The following STRN variants were observed in gnomAD, a reference collection of about 807,000 sequenced individuals.
STRN encodes the protein striatin.
A neutral mutation model predicts 96.3 loss-of-function variants in STRN; 53 were observed. The ratio of observed to expected loss-of-function variants is 0.55; its 90% CI spans 0.44 to 0.69. The LOEUF (loss-of-function observed/expected upper bound fraction) is 0.69. Ranked by LOEUF, STRN falls within the 30% of genes least tolerant of loss-of-function variation. STRN has a pLI of 0.00. For synonymous variants in STRN, 428 were observed against 355.9 expected, an observed-to-expected ratio of 1.20 and a Z score of -2.28; for missense variants, 987 against 963.9, an observed-to-expected ratio of 1.02 and a Z score of -0.32.
chr2:36,880,170 G>T (rs111290521), intron 9 of STRN, among the ~76,000 whole-genome samples: 1 of 152,124 alleles, frequency 6.6e-6, no homozygotes, highest in Non-Finnish European at 1.5e-5. Context: ...GTTTTGCCAC[G>T]TTGGCCAGGC....
At chr2:36,935,825 A>G (rs1471367671) in intron 1 of STRN, among the ~76,000 whole-genome samples, 1 of 152,240 alleles carries the variant, frequency 6.6e-6, no homozygotes, top group South Asian at 2.1e-4. Context: ...CATACGAAGT[A>G]GAAGTATAAA....
At position 36,846,084 on chromosome 2, in the gene STRN, T is replaced by C. The variant is rs1187009465; in HGVS notation, c.*3372A>G. 5 of 150,492 alleles carry C rather than the reference T, an allele frequency of 3.3e-5. No individual in the cohort carries two copies. The highest frequency in any genetic ancestry group is 9.8e-5 in the African/African-American group (4 of 40,898). 9.3% of individuals were successfully genotyped at this position (150,492 alleles called of 1,614,324 possible). ...CTAGCTATTGCCTTCTTGATGATAT[T>C]TGTTTTTGTTAAAAAGTCTGAATGT... On this transcript the variant is annotated 3_prime_UTR_variant, in exon 18 of 18. Coordinates refer to ENST00000263918, the MANE Select transcript of STRN (RefSeq NM_003162.4).
chr2:36,954,337 C>T (rs1397622824), intron 1 of STRN, among the ~76,000 whole-genome samples: 1 of 151,624 alleles, frequency 6.6e-6, no homozygotes, highest in African/African-American at 2.4e-5. Context: ...ATGGCAAAAC[C>T]CTGTCTCTAC....
rs957305557 is a variant in STRN, at chr2:36,926,173, T to C, written c.235-965A>G. Among the ~76,000 whole-genome samples the C allele has an allele frequency of 2.6e-5, 4 of 152,052 alleles. 1 individual carries two copies. The South Asian group carries it at 6.2e-4, about 24-fold the overall frequency. ...CCCTACATTTGAACATGAAACGAAC[T>C]GTAAACAACTTTTAAAGTCAGTAAA... On this transcript the variant is annotated intron_variant, in intron 1 of 17. Transcript: ENST00000263918.
intron 4 of STRN, among the ~76,000 whole-genome samples, chr2:36,904,305 C>G (rs1168558397): frequency 6.6e-6 from 1 of 152,144 alleles, no homozygotes; most frequent in Admixed American, 6.5e-5. Flanking sequence ...AAAGTAATAG[C>G]TGCTATACAT....
At chr2:36,930,395 G>A (rs1045793196) in intron 1 of STRN, among the ~76,000 whole-genome samples, 12 of 150,450 alleles carry the variant, frequency 8.0e-5, no homozygotes, top group Admixed American at 2.0e-4. Flanking sequence ...TCATGCCACT[G>A]CACTCCAGAA....
intron 4 of STRN, among the ~76,000 whole-genome samples, chr2:36,903,129 G>C (rs964081860): frequency 2.0e-5 from 3 of 152,150 alleles, no homozygotes; most frequent in African/African-American, 7.2e-5. Context: ...TGGATCAACT[G>C]TTTGTGATCT....
intron 6 of STRN, among the ~76,000 whole-genome samples, chr2:36,897,641 G>A (rs955824641): frequency 3.3e-5 from 5 of 151,660 alleles, no homozygotes; most frequent in Non-Finnish European, 7.4e-5. Context: ...GTTTCACCGC[G>A]TTAGCCAGGA....
At chr2:36,862,438 C>G (rs1041959940) in intron 12 of STRN, among the ~76,000 whole-genome samples, 1 of 152,178 alleles carries the variant, frequency 6.6e-6, no homozygotes. Context: ...TTAATAACAG[C>G]CATTCTGCCT....
At chr2:36,928,345 A>G (rs1020618679) in intron 1 of STRN, among the ~76,000 whole-genome samples, 6 of 152,168 alleles carry the variant, frequency 3.9e-5, no homozygotes, top group African/African-American at 7.2e-5. Context: ...GAAGGAAAAA[A>G]GGTAAAAAGA....
intron 3 of STRN, among the ~76,000 whole-genome samples, chr2:36,910,367 A>C (rs775128027): frequency 9.9e-5 from 15 of 152,194 alleles, no homozygotes; most frequent in Non-Finnish European, 1.8e-4. Flanking sequence ...TATCTTTAAA[A>C]GACAAAAGAC....
chr2:36,849,872 C>A lies in STRN; in HGVS notation c.2087-72G>T, dbSNP rs723674. ...TTCAATATTTGCCAGCTACCATGTC[C>A]TGCTGGTTTCTCCAGTCATCCCTCT... On this transcript the variant is annotated intron_variant, in intron 16 of 17. Transcript: ENST00000263918. The A allele has an allele frequency of 0.99, 1,449,368 of 1,464,934 alleles. 718,280 individuals carry two copies. Among genetic ancestry groups the A allele is most frequent in the East Asian group, 1 (43,686 of 43,686 alleles). The allele number at this position is 1,464,934 out of a possible 1,614,324, so 90.7% of individuals were successfully genotyped here. A position where few individuals can be genotyped will look rare whatever the true frequency, so the allele number is the denominator to read the frequency against.
intron 1 of STRN, among the ~76,000 whole-genome samples, chr2:36,931,657 T>G (rs555953044): frequency 6.6e-6 from 1 of 152,278 alleles, no homozygotes; most frequent in South Asian, 2.1e-4. Flanking sequence ...GCCTAAGACA[T>G]ATGTGTACCA....
At chr2:36,896,007 T>C (rs777440986) in intron 6 of STRN, among the ~76,000 whole-genome samples, 129 of 152,188 alleles carry the variant, frequency 8.5e-4, no homozygotes, top group Non-Finnish European at 1.4e-3. Context: ...TATAAATATA[T>C]TGCCTAATCT....
chr2:36,863,002 C>T (rs1275371772), intron 12 of STRN, among the ~76,000 whole-genome samples: 2 of 152,108 alleles, frequency 1.3e-5, no homozygotes, highest in East Asian at 3.9e-4. Flanking sequence ...GGATTATAAG[C>T]GTGAGCCACC....
chr2:36,889,532 T>C (rs1289942778), intron 7 of STRN, among the ~76,000 whole-genome samples: 3 of 144,186 alleles, frequency 2.1e-5, no homozygotes, highest in African/African-American at 5.2e-5. Flanking sequence ...ATAAAAACAA[T>C]AGCAATCATG....
At chr2:36,963,722 C>A (rs1403596235) in intron 1 of STRN, among the ~76,000 whole-genome samples, 1 of 152,182 alleles carries the variant, frequency 6.6e-6, no homozygotes, top group African/African-American at 2.4e-5. Context: ...CTTTGGGAGG[C>A]TGAGGCAGGC....
Position 36,877,979 on chromosome 2 carries a change from C to G in STRN, c.1235G>C (p.Gly412Ala), listed in dbSNP as rs1283361473. 5 of 1,613,982 alleles carry G rather than the reference C, an allele frequency of 3.1e-6. No homozygotes were observed. The highest frequency in any genetic ancestry group is 1.7e-5 in the Admixed American group (1 of 60,010). Residue 412 changes from glycine (G) to alanine (A), a missense_variant, in exon 10 of 18, where the codon GGA becomes GCA. Gly to Ala is a moderately conservative substitution (Grantham distance 60). Transcript: ENST00000263918. Reference sequence around the variant, plus strand: ...TTCACTTTCAAGGGCTTCATCTGCTCCCATGATGAATGACTTTCCAGAAGA... The same window carrying G: ...TTCACTTTCAAGGGCTTCATCTGCTGCCATGATGAATGACTTTCCAGAAGA... ...PPSSGKSFIMGADEALESELG... is the reference protein window; with the variant it reads ...PPSSGKSFIMAADEALESELG...
chr2:36,950,096 G>A lies in STRN; in HGVS notation c.234+16134C>T, dbSNP rs147580424. ...AAAACTGAAGGTAGTAAATGTGGTC[G>A]TTCAGAGAAATTCAGAGTAAAATGA... On this transcript the variant is annotated intron_variant, in intron 1 of 17. Transcript: ENST00000263918. Among the ~76,000 whole-genome samples, 12 of 152,064 alleles carry A rather than the reference G, an allele frequency of 7.9e-5. No homozygotes were observed. In the East Asian group the frequency reaches 1.4e-3, roughly 17 times the overall value.
Sources: allele counts gnomAD v4.1 joint callset (sites outside exome capture counted in the v4.1 genomes callset), GRCh38; gene constraint gnomAD v4.1.1; transcripts MANE v1.5; gene names NCBI Gene and HGNC (gene_info 2026-07-23, HGNC 2026-07-21).